The following VWA8 variants were observed in gnomAD, a reference collection of about 807,000 sequenced individuals.
VWA8 encodes von Willebrand factor A domain-containing protein 8.
Under a neutral mutation model 241.5 loss-of-function variants are expected in VWA8, and 221 were observed. That is an observed-to-expected ratio of 0.91 (90% CI 0.82 to 1.02). The LOEUF is 1.02. Among genes scored for constraint, VWA8 ranks in the 50% least tolerant of loss-of-function variants. The probability of loss-of-function intolerance (pLI) is 0.00; values close to 1 mark genes in which losing one functional copy is unlikely to be tolerated. For missense variants in VWA8, 2,322 were observed against 2,328.7 expected, an observed-to-expected ratio of 1.00 and a Z score of 0.06; for synonymous variants, 852 against 827.1, an observed-to-expected ratio of 1.03 and a Z score of -0.52.
In VWA8 at chr13:41,692,861, C is replaced by T. The variant is rs151220547; in HGVS notation, c.3675+1G>A. 111 of 1,606,060 alleles carry T rather than the reference C, an allele frequency of 6.9e-5. No homozygotes were observed. The highest frequency in any genetic ancestry group is 5.0e-4 in the Middle Eastern group (3 of 6,022). On this transcript the variant is annotated splice_donor_variant, in intron 30 of 44. Coordinates refer to ENST00000379310, the MANE Select transcript of VWA8 (RefSeq NM_015058.2). LOFTEE classifies it high-confidence loss of function. ...TGTGGGACAAATGTGGTGTTTCTTA[C>T]AGCTTCTTCTTTGTTCCACCAGAAA... is the stretch of plus-strand genomic sequence containing the variant.
intron 29 of VWA8, 35 bp downstream of exon 29, chr13:41,699,036 C>A: frequency 1.2e-6 from 2 of 1,611,424 alleles, no homozygotes; most frequent in South Asian, 2.2e-5. Flanking sequence ...TCATGTAAGT[C>A]ATTCCTCACA....
chr13:41,644,096 T>C (rs1297437633), intron 37 of VWA8, among the ~76,000 whole-genome samples: 1 of 152,104 alleles, frequency 6.6e-6, no homozygotes, highest in African/African-American at 2.4e-5. Context: ...GGCAACAATT[T>C]TAGCATGGTA....
At chr13:41,948,953 A>G (rs1877986544) in intron 2 of VWA8, among the ~76,000 whole-genome samples, 1 of 151,796 alleles carries the variant, frequency 6.6e-6, no homozygotes, top group Non-Finnish European at 1.5e-5. Context: ...GAGAAAAAAA[A>G]TACATACACA....
chr13:41,849,381 CTTCA>C (rs1872428278), intron 12 of VWA8, among the ~76,000 whole-genome samples: 1 of 152,034 alleles, frequency 6.6e-6, no homozygotes, highest in Non-Finnish European at 1.5e-5. Context: ...AAGTTATACC[CTTCA>C]TTATTTTCTT....
chr13:41,589,185 C>T (rs2044438758), intron 41 of VWA8, among the ~76,000 whole-genome samples: 1 of 152,212 alleles, frequency 6.6e-6, no homozygotes, highest in Non-Finnish European at 1.5e-5. Context: ...CACCAAGAGA[C>T]TCAATATTTC....
At chr13:41,896,586 T>C (rs1255897080) in intron 4 of VWA8, among the ~76,000 whole-genome samples, 1 of 152,154 alleles carries the variant, frequency 6.6e-6, no homozygotes, top group Admixed American at 6.5e-5. Flanking sequence ...ATATCTTTAG[T>C]ATAAATTGAA....
chr13:41,786,744 C>G (rs1869207592), intron 18 of VWA8, among the ~76,000 whole-genome samples: 1 of 152,026 alleles, frequency 6.6e-6, no homozygotes, highest in Non-Finnish European at 1.5e-5. Flanking sequence ...GCATCTGCTA[C>G]AAAGAAAGCC....
At chr13:41,784,680 T>TATACA (rs1869058569) in intron 18 of VWA8, among the ~76,000 whole-genome samples, 3 of 57,616 alleles carry the variant, frequency 5.2e-5, no homozygotes, top group African/African-American at 5.8e-5. Context: ...CTCTCTCTCT[T>TATACA]TATACATATA....
At chr13:41,849,473 G>A (rs1593815405) in intron 12 of VWA8, among the ~76,000 whole-genome samples, 1 of 152,108 alleles carries the variant, frequency 6.6e-6, no homozygotes, top group South Asian at 2.1e-4. Flanking sequence ...CATCACTAAC[G>A]TCACTAACCT....
rs760124047 is a variant in VWA8, at chr13:41,943,587, AATAG to A, written c.241+6345_241+6348del. ...ATATCAATGAGAAAATGACTAAGCA[AATAG>A]ATTGAGAAAAAGTATTCATAATACT... On this transcript the variant is annotated intron_variant, in intron 2 of 44. Transcript: ENST00000379310. 1.1e-4 allele frequency among the ~76,000 whole-genome samples: 17 copies of A among 152,234 alleles called. 1 individual carries two copies. Among genetic ancestry groups the A allele is most frequent in the Non-Finnish European group, 2.1e-4 (14 of 68,038 alleles).
At chr13:41,889,048 T>C (rs1874690435) in intron 5 of VWA8, among the ~76,000 whole-genome samples, 1 of 152,246 alleles carries the variant, frequency 6.6e-6, no homozygotes, top group Non-Finnish European at 1.5e-5. Context: ...ACTTTGTATC[T>C]CTTTCCATAG....
rs569377779 is a variant in VWA8, at chr13:41,658,227, C to T, written c.4611+12719G>A. Among the ~76,000 whole-genome samples the T allele has an allele frequency of 9.9e-5, 15 of 152,270 alleles. No homozygotes were observed. The South Asian group carries it at 2.3e-3, about 23-fold the overall frequency. On this transcript the variant is annotated intron_variant, in intron 37 of 44. Transcript: ENST00000379310. ...TAGTTCCATCTACTTGGAAGGCTGACGTGAGAGGATAGATGGCGCTCAGGA... is the reference window on the plus strand; with the variant it reads ...TAGTTCCATCTACTTGGAAGGCTGATGTGAGAGGATAGATGGCGCTCAGGA...
intron 40 of VWA8, among the ~76,000 whole-genome samples, chr13:41,597,173 C>A (rs542265896): frequency 6.6e-6 from 1 of 152,118 alleles, no homozygotes; most frequent in East Asian, 1.9e-4. Context: ...TAGAGGGTAC[C>A]TGTGAACAGC....
intron 21 of VWA8, among the ~76,000 whole-genome samples, chr13:41,747,804 T>G (rs1474887038): frequency 2.6e-5 from 4 of 152,230 alleles, no homozygotes; most frequent in Admixed American, 6.5e-5. Context: ...GTTTTTAGCA[T>G]GAAGGGTTGT....
chr13:41,704,939 G>A (rs529067445), intron 26 of VWA8, among the ~76,000 whole-genome samples: 9 of 152,118 alleles, frequency 5.9e-5, no homozygotes, highest in South Asian at 2.1e-4. Context: ...AAAAGAACAC[G>A]TTTATATTTA....
intron 21 of VWA8, among the ~76,000 whole-genome samples, chr13:41,747,982 C>A (rs1468082065): frequency 1.8e-4 from 28 of 152,158 alleles, no homozygotes; most frequent in Admixed American, 1.8e-3. Context: ...TTTTGATGTG[C>A]TGCTGGATTC....
Position 41,952,281 on chromosome 13 carries a change from A to G in VWA8, c.164-2268T>C, listed in dbSNP as rs964783864. The stretch of plus-strand genomic sequence containing the variant: ...GGTCGTTTAAGTTCTAACACCCTCA[A>G]AAAACAGGTGGTCAGCAGTGCCTCA... On this transcript the variant is annotated intron_variant, in intron 1 of 44. Coordinates refer to ENST00000379310, the MANE Select transcript of VWA8 (RefSeq NM_015058.2). Among the ~76,000 whole-genome samples, 13 of 152,288 alleles carry G rather than the reference A, an allele frequency of 8.5e-5. No individual in the cohort carries two copies. In the Middle Eastern group the frequency reaches 0.01, roughly 120 times the overall value.
intron 17 of VWA8, among the ~76,000 whole-genome samples, chr13:41,788,109 T>C (rs928330517): frequency 2.0e-5 from 3 of 152,202 alleles, no homozygotes; most frequent in African/African-American, 7.2e-5. Flanking sequence ...ACAAACGGAT[T>C]ATGAGCATCA....
At chr13:41,890,680 T>A (rs1322251695) in intron 5 of VWA8, among the ~76,000 whole-genome samples, 1 of 152,228 alleles carries the variant, frequency 6.6e-6, no homozygotes, top group Non-Finnish European at 1.5e-5. Context: ...CAAAAATCCC[T>A]GCCCTTGTGA....
Sources: gnomAD v4.1 joint callset for allele counts (sites outside exome capture counted in the v4.1 genomes callset) on GRCh38, gnomAD v4.1.1 for gene constraint, MANE v1.5 for transcripts, NCBI Gene and HGNC (gene_info 2026-07-23, HGNC 2026-07-21) for gene names.